The following MEIS1 variants were observed in gnomAD, a reference collection of about 807,000 sequenced individuals.
MEIS1 encodes Meis homeobox 1, also known as homeobox protein Meis1.
MEIS1 carries 5 observed loss-of-function variants against 50.8 expected under a neutral mutation model. The observed-to-expected ratio is 0.10, with a 90% CI of 0.05 to 0.21. MEIS1 has a LOEUF of 0.21. Ranked by LOEUF, MEIS1 falls within the 10% of genes least tolerant of loss-of-function variation. MEIS1 has a pLI of 1.00. For synonymous variants in MEIS1, 176 were observed against 179.3 expected (o/e 0.98, Z 0.15); for missense variants, 318 against 517.3 (o/e 0.61, Z 3.74).
At chr2:66,439,228 G>T in intron 2 of MEIS1, 1 of 989,798 alleles carries the variant, frequency 1.0e-6, no homozygotes, top group Non-Finnish European at 1.2e-6. Flanking sequence ...GGCGGTGGGG[G>T]CTATCAGCGA....
chr2:66,496,411 T>A (rs915524138), intron 7 of MEIS1, among the ~76,000 whole-genome samples: 1 of 152,046 alleles, frequency 6.6e-6, no homozygotes, highest in African/African-American at 2.4e-5. Flanking sequence ...TCTTTTTTGC[T>A]CTTCTCTGGT....
At chr2:66,469,035 T>C (rs1373679798) in intron 7 of MEIS1, among the ~76,000 whole-genome samples, 1 of 152,220 alleles carries the variant, frequency 6.6e-6, no homozygotes, top group Non-Finnish European at 1.5e-5. Context: ...CATATTTTCC[T>C]CTTTTGTGAG....
chr2:66,498,107 A>G (rs1177360161), intron 7 of MEIS1, among the ~76,000 whole-genome samples: 1 of 152,174 alleles, frequency 6.6e-6, no homozygotes, highest in East Asian at 1.9e-4. Flanking sequence ...GAGAGGTGAC[A>G]AGAGTAGCAA....
chr2:66,439,985 G>A lies in MEIS1; in HGVS notation c.381+1G>A. 1 of 1,608,190 alleles carries A rather than the reference G, an allele frequency of 6.2e-7. No homozygotes were observed. On this transcript the variant is annotated splice_donor_variant, in intron 3 of 12. Transcript: ENST00000272369. LOFTEE classifies it high-confidence loss of function. ...AGATATAGCCGTGTTCGCCAAACAG[G>A]TCAGCAAAATAGATGTTAAAAAGTA...
At chr2:66,450,762 A>G (rs996076517) in intron 6 of MEIS1, among the ~76,000 whole-genome samples, 1 of 152,190 alleles carries the variant, frequency 6.6e-6, no homozygotes, top group African/African-American at 2.4e-5. Context: ...CACATAAGCT[A>G]GCTTAGAATG....
At chr2:66,498,803 G>C (rs1673476199) in intron 7 of MEIS1, among the ~76,000 whole-genome samples, 1 of 152,158 alleles carries the variant, frequency 6.6e-6, no homozygotes, top group South Asian at 2.1e-4. Context: ...GCACAGTGTG[G>C]TCCTTGGACT....
At chr2:66,451,595 C>T (rs576180321) in intron 6 of MEIS1, among the ~76,000 whole-genome samples, 7 of 152,072 alleles carry the variant, frequency 4.6e-5, no homozygotes, top group African/African-American at 7.2e-5. Context: ...GATGTGTTTT[C>T]GAATATTAAC....
At chr2:66,478,357 G>A (rs924131320) in intron 7 of MEIS1, among the ~76,000 whole-genome samples, 1 of 152,196 alleles carries the variant, frequency 6.6e-6, no homozygotes, top group Non-Finnish European at 1.5e-5. Flanking sequence ...TTTGCATTAT[G>A]TGGATCAGAG....
chr2:66,528,359 T>C (rs1434586766), intron 8 of MEIS1, among the ~76,000 whole-genome samples: 7 of 152,180 alleles, frequency 4.6e-5, no homozygotes, highest in Non-Finnish European at 5.9e-5. Flanking sequence ...GCTCCAATGC[T>C]TTATTATTCT....
intron 7 of MEIS1, among the ~76,000 whole-genome samples, chr2:66,490,907 A>C (rs1673255508): frequency 6.6e-6 from 1 of 152,200 alleles, no homozygotes; most frequent in African/African-American, 2.4e-5. Context: ...AAACTAGCAA[A>C]GGTCTGTTCC....
At chr2:66,531,807 G>A (rs1254827824) in intron 8 of MEIS1, among the ~76,000 whole-genome samples, 1 of 152,192 alleles carries the variant, frequency 6.6e-6, no homozygotes, top group Non-Finnish European at 1.5e-5. Flanking sequence ...CAAGGATGCG[G>A]CGGCCATTAA....
intron 9 of MEIS1, among the ~76,000 whole-genome samples, chr2:66,556,788 G>A (rs927724074): frequency 1.3e-5 from 2 of 151,894 alleles, no homozygotes; most frequent in Admixed American, 1.3e-4. Context: ...AAAGCTTATG[G>A]AAAGAATTGA....
At chr2:66,527,105 A>G (rs1404663926) in intron 8 of MEIS1, among the ~76,000 whole-genome samples, 1 of 152,224 alleles carries the variant, frequency 6.6e-6, no homozygotes, top group East Asian at 1.9e-4. Context: ...CATACGTTTG[A>G]ATTTCTAAAA....
intron 8 of MEIS1, among the ~76,000 whole-genome samples, chr2:66,538,948 C>T (rs775197586): frequency 1.3e-5 from 2 of 152,050 alleles, no homozygotes; most frequent in African/African-American, 2.4e-5. Flanking sequence ...AGTGCAGTGG[C>T]GCGATCTCGG....
At chr2:66,554,576 T>C (rs2300480) in intron 9 of MEIS1, among the ~76,000 whole-genome samples, 32,785 of 152,188 alleles carry the variant, frequency 0.22, 4,330 homozygotes, top group Non-Finnish European at 0.28. Flanking sequence ...AATCAAAACA[T>C]TTCATCCCTC....
chr2:66,478,899 A>G (rs1038661030), intron 7 of MEIS1, among the ~76,000 whole-genome samples: 6 of 152,218 alleles, frequency 3.9e-5, no homozygotes, highest in African/African-American at 1.4e-4. Flanking sequence ...CAGGGTACAC[A>G]TTATTGTTGG....
intron 1 of MEIS1, chr2:66,436,917 T>C (rs1391467002): frequency 8.1e-6 from 8 of 983,424 alleles, no homozygotes; most frequent in Non-Finnish European, 9.7e-6. Context: ...AAGTTGTGCA[T>C]TTGCTTTTGA....
intron 8 of MEIS1, among the ~76,000 whole-genome samples, chr2:66,514,686 T>A (rs572650441): frequency 3.2e-4 from 48 of 152,358 alleles, no homozygotes; most frequent in African/African-American, 1.1e-3. Flanking sequence ...GGTCTGTAGA[T>A]AGCTAATTGT....
chr2:66,513,912 C>A (rs963385288), intron 8 of MEIS1, among the ~76,000 whole-genome samples: 2 of 152,086 alleles, frequency 1.3e-5, no homozygotes, highest in Non-Finnish European at 2.9e-5. Context: ...GAGGGCATAT[C>A]ATGAAAAACG....
Sources: allele counts gnomAD v4.1 joint callset (sites outside exome capture counted in the v4.1 genomes callset), GRCh38; gene constraint gnomAD v4.1.1; transcripts MANE v1.5; gene names NCBI Gene and HGNC (gene_info 2026-07-23, HGNC 2026-07-21).